Variants in NRCAM observed in about 807,000 individuals in gnomAD.
The protein encoded by NRCAM is neuronal cell adhesion molecule, also known as NgCAM-related cell adhesion molecule.
A neutral mutation model predicts 156.5 loss-of-function variants in NRCAM; 83 were observed. The observed-to-expected ratio is 0.53, with a 90% CI of 0.44 to 0.64. The LOEUF (loss-of-function observed/expected upper bound fraction) is 0.64, where lower values mean the gene tolerates loss of function less well. NRCAM is among the 30% of genes least tolerant of loss of function. The pLI, the probability that NRCAM is intolerant of heterozygous loss-of-function variation, is 0.00. For synonymous variants in NRCAM, 538 were observed against 563.9 expected, an observed-to-expected ratio of 0.95 and a Z score of 0.65; for missense variants, 1,417 against 1,597.3, an observed-to-expected ratio of 0.89 and a Z score of 1.92.
intron 2 of NRCAM, among the ~76,000 whole-genome samples, chr7:108,359,340 C>G: frequency 6.6e-6 from 1 of 152,182 alleles, no homozygotes; most frequent in East Asian, 1.9e-4. Flanking sequence ...TACAATAAAA[C>G]TAGGAGAAAG....
At chr7:108,249,081 G>A (rs953074274) in intron 3 of NRCAM, among the ~76,000 whole-genome samples, 1 of 152,122 alleles carries the variant, frequency 6.6e-6, no homozygotes, top group Non-Finnish European at 1.5e-5. Flanking sequence ...CCGCAAACAA[G>A]GGCCTGAGCA....
At chr7:108,208,976 T>C (rs529318180) in intron 12 of NRCAM, among the ~76,000 whole-genome samples, 1 of 152,322 alleles carries the variant, frequency 6.6e-6, no homozygotes, top group South Asian at 2.1e-4. Flanking sequence ...AGAGGGAAAG[T>C]AAGCTCCATC....
chr7:108,148,638 CATAACAATTTGCA>C lies in NRCAM; in HGVS notation c.*1259_*1271del, dbSNP rs1294469922. 3.3e-5 allele frequency: 5 copies of C among 152,614 alleles called. No individual in the cohort carries two copies. Among genetic ancestry groups the C allele is most frequent in the African/African-American group, 1.2e-4 (5 of 41,456 alleles). The allele number at this position is 152,614 out of a possible 1,614,324, so 9.5% of individuals were successfully genotyped here. ...GATTTCTTAGATTCTGAAATGTATC[CATAACAATTTGCA>C]TACACGTTGTTTAATGCTGCAGAGT... On this transcript the variant is annotated 3_prime_UTR_variant, in exon 33 of 33. Coordinates refer to ENST00000379028, the MANE Select transcript of NRCAM (RefSeq NM_001037132.4).
intron 11 of NRCAM, among the ~76,000 whole-genome samples, chr7:108,216,996 T>G (rs911196029): frequency 6.6e-6 from 1 of 152,166 alleles, no homozygotes; most frequent in Admixed American, 6.5e-5. Flanking sequence ...GAAGAGGCAT[T>G]CTCGTTTTTG....
chr7:108,280,761 A>G (rs1240077159), intron 3 of NRCAM, among the ~76,000 whole-genome samples: 1 of 152,218 alleles, frequency 6.6e-6, no homozygotes, highest in Non-Finnish European at 1.5e-5. Flanking sequence ...GAAGACACAA[A>G]TGCCACCTTA....
chr7:108,438,043 A>AAATT (rs1554648068), intron 1 of NRCAM, among the ~76,000 whole-genome samples: 38 of 151,700 alleles, frequency 2.5e-4, no homozygotes, highest in African/African-American at 8.7e-4. Context: ...AAAAAAAAAA[A>AAATT]AATTAATTAA....
At chr7:108,314,197 T>C (rs1182065938) in intron 2 of NRCAM, among the ~76,000 whole-genome samples, 1 of 152,184 alleles carries the variant, frequency 6.6e-6, no homozygotes, top group Non-Finnish European at 1.5e-5. Context: ...CCTGAAGGGT[T>C]TGCAAAGACC....
At chr7:108,315,734 GGAGCAAGAAGGGATCCATTC>G in intron 2 of NRCAM, among the ~76,000 whole-genome samples, 1 of 152,272 alleles carries the variant, frequency 6.6e-6, no homozygotes, top group Non-Finnish European at 1.5e-5. Context: ...AGTTAGGGTG[GGAGCAAGAAGGGATCCATTC>G]GAGCAAGAAA....
intron 2 of NRCAM, among the ~76,000 whole-genome samples, chr7:108,343,429 C>G (rs2099316058): frequency 6.6e-6 from 1 of 151,980 alleles, no homozygotes; most frequent in South Asian, 2.1e-4. Flanking sequence ...CTGGGGTCAT[C>G]AGAAAGGAAA....
chr7:108,276,255 GT>G (rs565284099), intron 3 of NRCAM, among the ~76,000 whole-genome samples: 25 of 152,194 alleles, frequency 1.6e-4, no homozygotes, highest in Non-Finnish European at 3.4e-4. Context: ...AGGTCTGGTT[GT>G]TCCAGAGTTG....
At chr7:108,194,458 T>TA in intron 15 of NRCAM, 30 bp from the exon 16 acceptor site, 1 of 1,469,836 alleles carries the variant, frequency 6.8e-7, no homozygotes, top group South Asian at 1.3e-5. Flanking sequence ...ACAATGAGAA[T>TA]AAAAACACAT....
chr7:108,328,702 G>T (rs1358353486), intron 2 of NRCAM: 3 of 152,116 alleles, frequency 2.0e-5, no homozygotes, highest in Non-Finnish European at 4.4e-5. Context: ...AGAAAAATCT[G>T]TTTGGTTGCT....
chr7:108,222,861 G>A (rs1035356273), intron 11 of NRCAM, among the ~76,000 whole-genome samples: 1 of 152,106 alleles, frequency 6.6e-6, no homozygotes, highest in African/African-American at 2.4e-5. Context: ...CAGAAGACAG[G>A]GACTATATAG....
chr7:108,382,235 T>TTTC (rs2099704787), intron 2 of NRCAM, among the ~76,000 whole-genome samples: 1 of 151,656 alleles, frequency 6.6e-6, no homozygotes, highest in South Asian at 2.1e-4. Flanking sequence ...TTTTTTTTTT[T>TTTC]TGAATGTAGA....
rs779486114 is a variant in NRCAM at position 108,401,772 on chromosome 7, G to A, written c.-331-2179C>T. ...TTTTAACAAAGCTACTCTCTCTCCC[G>A]ACCATGCGTTGCCTCAAAGAAATAC... On this transcript the variant is annotated intron_variant, in intron 1 of 32. Transcript: ENST00000379028. Among the ~76,000 whole-genome samples, 5 of 152,178 alleles carry A rather than the reference G, an allele frequency of 3.3e-5. No individual in the cohort carries two copies. In the East Asian group the frequency reaches 5.8e-4, roughly 18 times the overall value.
intron 2 of NRCAM, among the ~76,000 whole-genome samples, chr7:108,349,139 A>G (rs2099392466): frequency 6.6e-6 from 1 of 152,194 alleles, no homozygotes. Context: ...AAACTGACCA[A>G]AGAGAGCACT....
chr7:108,392,231 C>T (rs958005979), intron 2 of NRCAM, among the ~76,000 whole-genome samples: 1 of 152,202 alleles, frequency 6.6e-6, no homozygotes, highest in African/African-American at 2.4e-5. Flanking sequence ...TAGATTTGGT[C>T]TATTCACATA....
At chr7:108,343,211 C>T (rs2154275287) in intron 2 of NRCAM, among the ~76,000 whole-genome samples, 1 of 152,258 alleles carries the variant, frequency 6.6e-6, no homozygotes, top group East Asian at 1.9e-4. Context: ...GAACTAATAG[C>T]CCTCATTCAG....
chr7:108,331,986 T>C (rs1342780207), intron 2 of NRCAM, among the ~76,000 whole-genome samples: 2 of 152,216 alleles, frequency 1.3e-5, no homozygotes, highest in Non-Finnish European at 2.9e-5. Flanking sequence ...ATAAACTAAG[T>C]GGGAAAAATG....
Sources: gnomAD v4.1 joint callset for allele counts (sites outside exome capture counted in the v4.1 genomes callset) on GRCh38, gnomAD v4.1.1 for gene constraint, MANE v1.5 for transcripts, NCBI Gene and HGNC (gene_info 2026-07-23, HGNC 2026-07-21) for gene names.